The following NUMA1 variants were observed in gnomAD, a reference collection of about 807,000 sequenced individuals.
The protein encoded by NUMA1 is nuclear mitotic apparatus protein 1.
NUMA1 carries 62 observed loss-of-function variants against 237.1 expected under a neutral mutation model. That is an observed-to-expected ratio of 0.26 (90% CI 0.21 to 0.32). The LOEUF (loss-of-function observed/expected upper bound fraction) is 0.32. Ranked by LOEUF, NUMA1 falls within the 10% of genes least tolerant of loss-of-function variation. The pLI is 1.00. For synonymous variants in NUMA1, 1,028 were observed against 1,066.1 expected (o/e 0.96, Z 0.70); for missense variants, 2,533 against 2,666.5 (o/e 0.95, Z 1.10).
At position 72,014,740 on chromosome 11, in the gene NUMA1, G is replaced by A. The variant is rs771186858; in HGVS notation, c.2763C>T (p.Thr921=). ...GCTGCTCACCTGCCTTGCGCACCAA[G>A]GTCTCCAAGCGGGCCACCTCTTTGC... is the stretch of plus-strand genomic sequence containing the variant. The part of the protein sequence containing the change: ...ATSKEVARLE[T]LVRKAGEQQE... Residue 921 remains threonine, a synonymous_variant, in exon 15 of 27, where the codon ACC becomes ACT. Coordinates refer to ENST00000393695, the MANE Select transcript of NUMA1 (RefSeq NM_006185.4). This position sits in a 1 kb window ranked among gnomAD's most constrained non-coding sequence, Gnocchi z 4.6. The A allele has an allele frequency of 1.9e-6, 3 of 1,614,126 alleles. No individual in the cohort carries two copies. The highest frequency in any genetic ancestry group is 1.1e-5 in the South Asian group (1 of 91,088).
Position 72,016,404 on chromosome 11 carries a change from C to G in NUMA1, c.1242+4G>C. The G allele has an allele frequency of 6.2e-7, 1 of 1,613,568 alleles. No individual in the cohort carries two copies. The highest frequency in any genetic ancestry group is 8.5e-7 in the Non-Finnish European group (1 of 1,179,832). On this transcript the variant is annotated splice_donor_region_variant and intron_variant, in intron 14 of 26. Coordinates refer to ENST00000393695, the MANE Select transcript of NUMA1 (RefSeq NM_006185.4). ...AGCACACAGGTCTTTCTGTGCATTC[C>G]TACCTGCAAGACATCACCCAGCACC...
At chr11:72,067,006 C>A (rs1452687247) in intron 2 of NUMA1, 2 of 152,120 alleles carry the variant, frequency 1.3e-5, no homozygotes, top group African/African-American at 2.4e-5. Flanking sequence ...CAAGGGCCTG[C>A]CACTTTAAGA....
intron 3 of NUMA1, among the ~76,000 whole-genome samples, 197 bp downstream of exon 3, chr11:72,035,705 C>T (rs1193981921): frequency 3.3e-5 from 5 of 152,150 alleles, no homozygotes; most frequent in African/African-American, 1.2e-4. Flanking sequence ...GCTCCGCACC[C>T]GGCCCACATT....
At chr11:72,032,575 T>C (rs1427358959) in intron 3 of NUMA1, among the ~76,000 whole-genome samples, 2 of 152,250 alleles carry the variant, frequency 1.3e-5, no homozygotes, top group East Asian at 3.8e-4. Context: ...CCACAGTTCC[T>C]TTCATGGATA....
At chr11:72,023,858 G>A (rs1162413639) in intron 5 of NUMA1, among the ~76,000 whole-genome samples, 2 of 152,176 alleles carry the variant, frequency 1.3e-5, no homozygotes, top group Non-Finnish European at 2.9e-5. Context: ...CAACCTTAAT[G>A]TGCCTCTGCC....
rs1202328108 is a variant in NUMA1 at position 72,004,797 on chromosome 11, G to A, written c.5849C>T (p.Thr1950Ile). ...LESRPSLSLG[T>I]ITDEEMKTGD... ...AGTTTTCATCTCCTCATCTGTGATG[G>A]TGCCCAGGCTCAGGGAAGGCTGCAT... The change falls in exon 24 of 27, where the codon ACC (threonine) becomes ATC (isoleucine). Residue 1950 changes from threonine (T) to isoleucine (I), a missense_variant. This residue lies in a region of NUMA1 where 795 missense variants were observed against 750.8 expected (regional missense o/e 1.06). Coordinates refer to ENST00000393695, the MANE Select transcript of NUMA1 (RefSeq NM_006185.4). 1 of 1,582,924 alleles carries A rather than the reference G, an allele frequency of 6.3e-7. No individual in the cohort carries two copies. Among genetic ancestry groups the A allele is most frequent in the African/African-American group, 1.4e-5 (1 of 73,724 alleles).
At chr11:72,012,664 ACT>A (rs60239202) in intron 15 of NUMA1, among the ~76,000 whole-genome samples, 9,472 of 151,864 alleles carry the variant, frequency 0.062, 980 homozygotes, top group African/African-American at 0.22. Flanking sequence ...TCACAACTTG[ACT>A]CTCTAGTGAC....
chr11:72,062,780 T>C (rs939540800), intron 2 of NUMA1: 2 of 151,538 alleles, frequency 1.3e-5, no homozygotes, highest in African/African-American at 4.9e-5. Flanking sequence ...GTTCTCTGGA[T>C]AGGAATTTGG....
chr11:72,020,561 G>A (rs1938629704), intron 8 of NUMA1: 1 of 152,136 alleles, frequency 6.6e-6, no homozygotes, highest in African/African-American at 2.4e-5. Context: ...TGCACTACAT[G>A]ACGGGAAAAA....
At chr11:72,004,521 A>T in intron 24 of NUMA1, 119 bp downstream of exon 24, 5 of 1,238,142 alleles carry the variant, frequency 4.0e-6, no homozygotes, top group Non-Finnish European at 4.5e-6. Flanking sequence ...AGGCCCTTGG[A>T]GAGAGGGAAA....
chr11:72,029,162 A>G (rs761877356), intron 4 of NUMA1, 43 bp downstream of exon 4: 1 of 1,419,964 alleles, frequency 7.0e-7, no homozygotes. Flanking sequence ...CCCAGCAATC[A>G]GCTTTGCCTT....
At chr11:72,004,924 C>T in intron 23 of NUMA1, 108 bp from the exon 24 acceptor site, 1 of 1,128,326 alleles carries the variant, frequency 8.9e-7, no homozygotes, top group South Asian at 1.6e-5. Flanking sequence ...GGTCGGGACC[C>T]TTCCTGCCTC....
Position 72,004,822 on chromosome 11 carries a change from T to TGGGTGGAAG in NUMA1, c.5830-15_5830-7dup. On this transcript the variant is annotated splice_polypyrimidine_tract_variant and splice_region_variant and intron_variant, in intron 23 of 26. Coordinates refer to ENST00000393695, the MANE Select transcript of NUMA1 (RefSeq NM_006185.4). ...GTGCCCAGGCTCAGGGAAGGCTGCA[T>TGGGTGGAAG]GGGTGGAAGAGGTGGTCAGTGGACC... The TGGGTGGAAG allele has an allele frequency of 6.4e-7, 1 of 1,561,252 alleles. No individual in the cohort carries two copies. The highest frequency in any genetic ancestry group is 8.7e-7 in the Non-Finnish European group (1 of 1,155,050).
At position 72,006,054 on chromosome 11, in the gene NUMA1, C is replaced by T; in HGVS notation, c.5673G>A (p.Val1891=). The T allele has an allele frequency of 1.2e-6, 2 of 1,612,674 alleles. No homozygotes were observed. Among genetic ancestry groups the T allele is most frequent in the East Asian group, 2.2e-5 (1 of 44,838 alleles). The change falls in exon 22 of 27, where the codon GTG becomes GTA. Residue 1891 remains valine (V), a synonymous_variant. Coordinates refer to ENST00000393695, the MANE Select transcript of NUMA1 (RefSeq NM_006185.4). ...CCTCACCTGGAGGGGCCCCACTGGACACCCCGGCCTGGGAACGACGAGCAG... is the reference window on the plus strand; with the variant it reads ...CCTCACCTGGAGGGGCCCCACTGGATACCCCGGCCTGGGAACGACGAGCAG... ...RSSARRSQAG[V]SSGAPPGRNS... is the part of the protein sequence containing the mutation.
chr11:72,006,303 G>A, intron 21 of NUMA1, 40 bp from the exon 22 acceptor site: 1 of 1,566,928 alleles, frequency 6.4e-7, no homozygotes, highest in Non-Finnish European at 8.8e-7. Context: ...TACAGTCCCT[G>A]GCACTGTACA....
chr11:72,033,730 C>G (rs533570830), intron 3 of NUMA1, among the ~76,000 whole-genome samples: 1 of 152,234 alleles, frequency 6.6e-6, no homozygotes, highest in African/African-American at 2.4e-5. Context: ...ATAAATAAAA[C>G]TAGTCTTAGG....
intron 5 of NUMA1, among the ~76,000 whole-genome samples, chr11:72,023,873 C>T (rs1451869450): frequency 1.3e-5 from 2 of 152,222 alleles, no homozygotes; most frequent in Non-Finnish European, 2.9e-5. Context: ...TCTGCCCCTA[C>T]ACCTATCGCC....
intron 2 of NUMA1, among the ~76,000 whole-genome samples, chr11:72,059,313 G>A (rs1309875684): frequency 6.6e-6 from 1 of 152,112 alleles, no homozygotes; most frequent in Non-Finnish European, 1.5e-5. Flanking sequence ...GTCTCACTCT[G>A]TCACCCAGGC....
chr11:72,058,479 C>T (rs1002146954), intron 2 of NUMA1, among the ~76,000 whole-genome samples: 4 of 152,158 alleles, frequency 2.6e-5, no homozygotes, highest in Non-Finnish European at 4.4e-5. Context: ...ATATCCATAA[C>T]GTGTTCACAT....
Sources: allele counts gnomAD v4.1 joint callset (sites outside exome capture counted in the v4.1 genomes callset), GRCh38; gene constraint gnomAD v4.1.1; regional missense constraint gnomAD v4.1.1; non-coding constraint Gnocchi (gnomAD v3.1); transcripts MANE v1.5; gene names NCBI Gene and HGNC (gene_info 2026-07-23, HGNC 2026-07-21).